INPP5J: variants seen among roughly 807,000 people sequenced by gnomAD.
The protein encoded by INPP5J is phosphatidylinositol 4,5-bisphosphate 5-phosphatase A.
In INPP5J, 75 loss-of-function variants were observed where a neutral mutation model predicts 86.6. The observed-to-expected ratio is 0.87, with a 90% confidence interval of 0.72 to 1.05. The LOEUF (loss-of-function observed/expected upper bound fraction) is 1.05. INPP5J is among the 50% of genes least tolerant of loss of function. The pLI is 0.00. For synonymous variants in INPP5J, 540 were observed against 550.0 expected (o/e 0.98, Z 0.25); for missense variants, 1,229 against 1,341.2 (o/e 0.92, Z 1.31).
chr22:31,131,509 G>A (rs2147883477), intron 9 of INPP5J, among the ~76,000 whole-genome samples: 1 of 151,748 alleles, frequency 6.6e-6, no homozygotes, highest in Middle Eastern at 3.4e-3. Flanking sequence ...GTTGCAGTGA[G>A]TTGAGATGGC....
intron 9 of INPP5J, among the ~76,000 whole-genome samples, chr22:31,132,401 G>T (rs913996088): frequency 6.6e-6 from 1 of 152,130 alleles, no homozygotes; most frequent in African/African-American, 2.4e-5. Flanking sequence ...CTTTGCAAAT[G>T]GTGTCTCACT....
chr22:31,133,542 C>G (rs1450038431), intron 11 of INPP5J, 59 bp downstream of exon 11: 4 of 1,595,468 alleles, frequency 2.5e-6, no homozygotes, highest in Non-Finnish European at 3.4e-6. Flanking sequence ...GACCTCAGAA[C>G]TCACCTTGGG....
chr22:31,125,412 T>C lies in INPP5J; in HGVS notation c.673T>C (p.Ser225Pro), dbSNP rs1203869810. The C allele has an allele frequency of 6.4e-7, 1 of 1,550,488 alleles. No homozygotes were observed. The highest frequency in any genetic ancestry group is 2.4e-5 in the East Asian group (1 of 40,914). ...GGCCCTGGCTCCAGCATCCACGGCA[T>C]CAGGCGCAGCCTCTGTGGGACAGAC... ...EQALAPASTA[S>P]GAASVGQTSA... Residue 225 changes from serine (S) to proline (P), a missense_variant, in exon 2 of 13, where the codon TCA becomes CCA. Coordinates refer to ENST00000331075, the MANE Select transcript of INPP5J (RefSeq NM_001284285.2).
chr22:31,131,602 G>A (rs187394847), intron 9 of INPP5J, among the ~76,000 whole-genome samples: 3 of 151,754 alleles, frequency 2.0e-5, no homozygotes, highest in African/African-American at 4.8e-5. Context: ...CCTACTACAT[G>A]CCAGGCCTGT....
rs1426515886 is a variant in INPP5J at position 31,133,642 on chromosome 22, C to A, written c.2442C>A (p.Gly814=). ...VTFSEESLPK[G]HGDFILGYYS... ...TCAGTGAGGAATCACTGCCCAAGGG[C>A]CATGGAGACTTCATCCTGGGCTACT... Residue 814 remains glycine (G), a synonymous_variant, in exon 12 of 13, where the codon GGC becomes GGA. Coordinates refer to ENST00000331075, the MANE Select transcript of INPP5J (RefSeq NM_001284285.2). The A allele has an allele frequency of 6.2e-7, 1 of 1,612,830 alleles. No homozygotes were observed. Among genetic ancestry groups the A allele is most frequent in the Non-Finnish European group, 8.5e-7 (1 of 1,179,388 alleles).
rs1190412992 is a variant in INPP5J at position 31,133,858 on chromosome 22, G to T, written c.2515-55G>T. 3 of 1,599,864 alleles carry T rather than the reference G, an allele frequency of 1.9e-6. No individual in the cohort carries two copies. In the South Asian group the frequency reaches 3.4e-5, roughly 18 times the overall value. ...AGAGAGGCAGACCTCGGGAGGTCAG[G>T]CCTCAGTGGCTGGGTTGGGGAGCAG... On this transcript the variant is annotated intron_variant, in intron 12 of 12. Coordinates refer to ENST00000331075, the MANE Select transcript of INPP5J (RefSeq NM_001284285.2).
At chr22:31,123,389 G>C (rs992473430) in intron 1 of INPP5J, among the ~76,000 whole-genome samples, 4 of 152,308 alleles carry the variant, frequency 2.6e-5, no homozygotes, top group African/African-American at 9.6e-5. Flanking sequence ...CACCTTTGCT[G>C]TGTGACCTTG....
chr22:31,123,242 C>A, intron 1 of INPP5J, 123 bp downstream of exon 1: 1 of 592,122 alleles, frequency 1.7e-6, no homozygotes, highest in Admixed American at 4.3e-5. Flanking sequence ...CTCTGCTCAG[C>A]GAGCAGGGGC....
Position 31,125,244 on chromosome 22 carries a change from G to T in INPP5J, c.505G>T (p.Glu169Ter). 1 of 1,550,452 alleles carries T rather than the reference G, an allele frequency of 6.4e-7. No individual in the cohort carries two copies. Among genetic ancestry groups the T allele is most frequent in the Non-Finnish European group, 8.7e-7 (1 of 1,146,954 alleles). Residue 169 changes from glutamate (E) to a stop codon, truncating the protein, a stop_gained, in exon 2 of 13, where the codon GAG (glutamate) becomes TAG (stop). Transcript: ENST00000331075. LOFTEE classifies it high-confidence loss of function. Reference sequence around the variant, plus strand: ...CCCAACCTCCAGAGACCAGAAGCAGGAGCCACCTGCCTCCGTGGGACCCAA... The same window carrying T: ...CCCAACCTCCAGAGACCAGAAGCAGTAGCCACCTGCCTCCGTGGGACCCAA... ...LAPTSRDQKQ[E>*]PPASVGPKPT...
chr22:31,124,411 G>GAA, intron 1 of INPP5J: 1 of 747,434 alleles, frequency 1.3e-6, no homozygotes, highest in Non-Finnish European at 1.6e-6. Flanking sequence ...AAAAAGAAAA[G>GAA]AAACAGGCTG....
In INPP5J at chr22:31,125,514, A is replaced by T; in HGVS notation, c.775A>T (p.Thr259Ser). ...SEGHLQPPAQ[T>S]SGPTGSPPCI... ...GGGGCATCTCCAGCCTCCAGCTCAG[A>T]CATCTGGTCCTACAGGCTCCCCACC... The change falls in exon 2 of 13, where the codon ACA becomes TCA. Residue 259 changes from threonine (T) to serine (S), a missense_variant. Thr to Ser is a moderately conservative substitution (Grantham distance 58, BLOSUM62 1). Transcript: ENST00000331075. The T allele has an allele frequency of 6.5e-7, 1 of 1,550,260 alleles. No individual in the cohort carries two copies. Among genetic ancestry groups the T allele is most frequent in the Non-Finnish European group, 8.7e-7 (1 of 1,146,858 alleles).
At chr22:31,126,834 T>C (rs1921511499) in intron 4 of INPP5J, 87 bp from the exon 5 acceptor site, 5 of 1,407,390 alleles carry the variant, frequency 3.6e-6, no homozygotes, top group Non-Finnish European at 5.0e-6. Flanking sequence ...GTCCGTGACA[T>C]GGGTGGGTGG....
Position 31,128,125 on chromosome 22 carries a change from A to G in INPP5J, c.1899+63A>G. On this transcript the variant is annotated intron_variant, in intron 7 of 12. Coordinates refer to ENST00000331075, the MANE Select transcript of INPP5J (RefSeq NM_001284285.2). ...CCAGGACACGCCTGTACCTTAGACT[A>G]TGGTCCCTGTCCTCACCTGCCCCAC... The G allele has an allele frequency of 3.5e-6, 5 of 1,444,900 alleles. No homozygotes were observed. In the South Asian group the frequency reaches 5.9e-5, roughly 17 times the overall value. 89.5% of individuals were successfully genotyped at this position (1,444,900 alleles called of 1,614,324 possible). A position where few individuals can be genotyped will look rare whatever the true frequency, so the allele number is the denominator to read the frequency against.
intron 5 of INPP5J, 81 bp downstream of exon 5, chr22:31,127,118 G>A: frequency 9.8e-7 from 1 of 1,025,296 alleles, no homozygotes; most frequent in Non-Finnish European, 1.5e-6. Context: ...GCACAGCAAG[G>A]TCCCCTTCCC....
At position 31,128,597 on chromosome 22, in the gene INPP5J, C is replaced by T. The variant is rs1165714805; in HGVS notation, c.2136C>T (p.Ser712=). The T allele has an allele frequency of 6.2e-7, 1 of 1,612,632 alleles. No individual in the cohort carries two copies. Among genetic ancestry groups the T allele is most frequent in the East Asian group, 2.2e-5 (1 of 44,882 alleles). The change falls in exon 9 of 13, where the codon AGC becomes AGT. Residue 712 remains serine (S), a synonymous_variant. Transcript: ENST00000331075. ...AGGTGACGCAGCACAGCTACCGCAG[C>T]CACATGGAATACACAGTCAGCGACC... ...RLQVTQHSYR[S]HMEYTVSDHK... is the part of the protein sequence containing the mutation.
rs1182231095 is a variant in INPP5J, at chr22:31,125,709, TC to T, written c.975del (p.Thr326ProfsTer59). 1.9e-6 allele frequency: 3 copies of T among 1,550,624 alleles called. No homozygotes were observed. Among genetic ancestry groups the T allele is most frequent in the Non-Finnish European group, 2.6e-6 (3 of 1,146,696 alleles). ...TGGCACTCACTCCCCTGGACTTCTG[TC>T]CCCCACCTTCCGGCCTGGGGCCCCC... ...EPGTHSPGLL[S>X]PTFRPGAPSG... is the part of the protein sequence containing the mutation. On this transcript the variant is annotated frameshift_variant, in exon 2 of 13. Coordinates refer to ENST00000331075, the MANE Select transcript of INPP5J (RefSeq NM_001284285.2). LOFTEE classifies it high-confidence loss of function.
rs1421346792 is a variant in INPP5J at position 31,133,110 on chromosome 22, G to A, written c.2206G>A (p.Asp736Asn). The change falls in exon 10 of 13, where the codon GAC becomes AAC. Residue 736 changes from aspartate to asparagine, a missense_variant. Asp to Asn is a conservative substitution (Grantham distance 23). Coordinates refer to ENST00000331075, the MANE Select transcript of INPP5J (RefSeq NM_001284285.2). ...AQFLLQFAFRDDMPLVRLEVA... is the reference protein window; with the variant it reads ...AQFLLQFAFRNDMPLVRLEVA... The stretch of plus-strand genomic sequence containing the variant: ...CTTGCCTGGACAGTTTGCCTTCAGG[G>A]ACGACATGCCACTGGTGCGGCTGGA... 3 of 1,562,816 alleles carry A rather than the reference G, an allele frequency of 1.9e-6. No homozygotes were observed. Among genetic ancestry groups the A allele is most frequent in the Admixed American group, 1.9e-5 (1 of 51,810 alleles).
Position 31,126,777 on chromosome 22 carries a change from A to G in INPP5J, c.1494+56A>G. The G allele has an allele frequency of 5.9e-6, 9 of 1,524,384 alleles. 1 individual carries two copies. In the South Asian group the frequency reaches 1.0e-4, roughly 17 times the overall value. 94.4% of individuals were successfully genotyped at this position (1,524,384 alleles called of 1,614,324 possible). On this transcript the variant is annotated intron_variant, in intron 4 of 12. Transcript: ENST00000331075. ...GAGACCCTGCTGAATTCCTGGCTCCAGCTGTACCCTGGCTCACTGTGGGGC... is the reference window on the plus strand; with the variant it reads ...GAGACCCTGCTGAATTCCTGGCTCCGGCTGTACCCTGGCTCACTGTGGGGC...
chr22:31,125,196 G>T lies in INPP5J; in HGVS notation c.457G>T (p.Val153Phe). 4 of 1,550,488 alleles carry T rather than the reference G, an allele frequency of 2.6e-6. No homozygotes were observed. The highest frequency in any genetic ancestry group is 2.6e-6 in the Non-Finnish European group (3 of 1,146,966). Residue 153 changes from valine (V) to phenylalanine (F), a missense_variant, in exon 2 of 13, where the codon GTC becomes TTC. Transcript: ENST00000331075. ...PASAGPRSPP[V>F]TLGPNLAPTS... ...CTCAGCAGGGCCAAGATCTCCCCCA[G>T]TCACCCTGGGGCCCAATCTGGCCCC... is the stretch of plus-strand genomic sequence containing the variant.
Sources: allele counts gnomAD v4.1 joint callset (sites outside exome capture counted in the v4.1 genomes callset), GRCh38; gene constraint gnomAD v4.1.1; transcripts MANE v1.5; gene names NCBI Gene and HGNC (gene_info 2026-07-23, HGNC 2026-07-21).